The following BTAF1 variants were observed in gnomAD, a reference collection of about 807,000 sequenced individuals.
BTAF1 encodes B-TFIID TATA-box binding protein associated factor 1.
A neutral mutation model predicts 227.1 loss-of-function variants in BTAF1; 38 were observed. That is an observed-to-expected ratio of 0.17 (90% confidence interval 0.13 to 0.22). The LOEUF is 0.22. Among genes scored for constraint, BTAF1 ranks in the 10% least tolerant of loss-of-function variants. BTAF1 has a pLI of 1.00. For missense variants in BTAF1, 1,598 were observed against 2,204.0 expected, an observed-to-expected ratio of 0.73 and a Z score of 5.51; for synonymous variants, 742 against 751.9, an observed-to-expected ratio of 0.99 and a Z score of 0.21.
intron 18 of BTAF1, among the ~76,000 whole-genome samples, chr10:91,983,065 C>T (rs2133987938): frequency 6.6e-6 from 1 of 152,206 alleles, no homozygotes; most frequent in Non-Finnish European, 1.5e-5. Flanking sequence ...GAAAGTAGTC[C>T]AGAAACTATT....
At chr10:91,973,644 C>T (rs957126662) in intron 14 of BTAF1, among the ~76,000 whole-genome samples, 1 of 152,098 alleles carries the variant, frequency 6.6e-6, no homozygotes, top group Non-Finnish European at 1.5e-5. Flanking sequence ...GTGGCTCACG[C>T]CTGTAATCCC....
intron 30 of BTAF1, among the ~76,000 whole-genome samples, chr10:92,011,782 A>G (rs1319962653): frequency 3.3e-5 from 5 of 152,188 alleles, no homozygotes; most frequent in Non-Finnish European, 7.3e-5. Flanking sequence ...ATCATATAGT[A>G]GAAGTGTGAA....
intron 1 of BTAF1, among the ~76,000 whole-genome samples, chr10:91,928,349 A>G (rs531228314): frequency 2.6e-4 from 39 of 152,200 alleles, no homozygotes; most frequent in Non-Finnish European, 5.1e-4. Flanking sequence ...AATTGTAAAT[A>G]CAATCATAGC....
At chr10:91,945,338 T>A (rs1845293289) in intron 4 of BTAF1, among the ~76,000 whole-genome samples, 1 of 152,214 alleles carries the variant, frequency 6.6e-6, no homozygotes, top group Non-Finnish European at 1.5e-5. Context: ...TTAACCGTTT[T>A]TAAAACTTAA....
intron 17 of BTAF1, 96 bp from the exon 18 acceptor site, chr10:91,982,491 T>C: frequency 7.0e-7 from 1 of 1,418,976 alleles, no homozygotes; most frequent in Non-Finnish European, 9.4e-7. Context: ...AAATTTTGCT[T>C]CAAGTAATTA....
At chr10:91,990,708 G>A (rs115409245) in intron 20 of BTAF1, among the ~76,000 whole-genome samples, 2,036 of 152,142 alleles carry the variant, frequency 0.013, 45 homozygotes, top group African/African-American at 0.045. Flanking sequence ...CAAGAGAATG[G>A]CCTCAACCTG....
At chr10:92,004,252 A>G (rs1453966688) in intron 25 of BTAF1, among the ~76,000 whole-genome samples, 6 of 152,174 alleles carry the variant, frequency 3.9e-5, no homozygotes, top group Admixed American at 3.3e-4. Flanking sequence ...CTATTTGTCT[A>G]TATATGTTGA....
chr10:91,997,106 T>A, intron 24 of BTAF1: 1 of 1,287,976 alleles, frequency 7.8e-7, no homozygotes, highest in South Asian at 1.2e-5. Flanking sequence ...AAAAGATGGA[T>A]GAAGATCAAA....
At chr10:92,013,834 C>G (rs368767312) in intron 31 of BTAF1, 26 bp downstream of exon 31, 29 of 1,613,430 alleles carry the variant, frequency 1.8e-5, no homozygotes, top group Non-Finnish European at 2.4e-5. Flanking sequence ...AATTATAACC[C>G]TGTGTAAGTG....
In BTAF1 at chr10:91,994,664, G is replaced by A; in HGVS notation, c.3309+20G>A. ...CCCTTGGTAACTAACTAATGCAAGT[G>A]TAATATTTCTTCAAATAAAACAAGT... is the stretch of plus-strand genomic sequence containing the variant. On this transcript the variant is annotated intron_variant, in intron 23 of 37. Transcript: ENST00000265990. 2 of 1,568,508 alleles carry A rather than the reference G, an allele frequency of 1.3e-6. No individual in the cohort carries two copies. The highest frequency in any genetic ancestry group is 2.2e-5 in the East Asian group (1 of 44,648).
intron 37 of BTAF1, among the ~76,000 whole-genome samples, chr10:92,027,729 A>G (rs1425304962): frequency 6.7e-6 from 1 of 149,868 alleles, no homozygotes; most frequent in Non-Finnish European, 1.5e-5. Flanking sequence ...TAGATTCTCA[A>G]TAAATAGTAG....
Position 91,991,869 on chromosome 10 carries a change from G to A in BTAF1, c.2855-250G>A, listed in dbSNP as rs1188740999. 1.3e-4 allele frequency among the ~76,000 whole-genome samples: 20 copies of A among 148,814 alleles called. 1 individual carries two copies. The highest frequency in any genetic ancestry group is 1.3e-3 in the Admixed American group (20 of 14,976). Reference sequence around the variant, plus strand: ...TACACACACAAACACATTAACTGAAGTCACAATAATTTTTTCATGTGCTGT... The same window carrying A: ...TACACACACAAACACATTAACTGAAATCACAATAATTTTTTCATGTGCTGT... On this transcript the variant is annotated intron_variant, in intron 20 of 37. Coordinates refer to ENST00000265990, the MANE Select transcript of BTAF1 (RefSeq NM_003972.3).
Position 91,950,158 on chromosome 10 carries a change from C to A in BTAF1, c.401-1245C>A, listed in dbSNP as rs10583654. Among the ~76,000 whole-genome samples the A allele has an allele frequency of 2.7e-4, 12 of 45,058 alleles. 1 individual carries two copies. The highest frequency in any genetic ancestry group is 7.5e-4 in the African/African-American group (7 of 9,332). The allele number at this position is 45,058 out of a possible 152,430, so 29.6% of individuals were successfully genotyped here. A position where few individuals can be genotyped will look rare whatever the true frequency, so the allele number is the denominator to read the frequency against. On this transcript the variant is annotated intron_variant, in intron 4 of 37. Coordinates refer to ENST00000265990, the MANE Select transcript of BTAF1 (RefSeq NM_003972.3). ...AGACCTTGTCCTTTGTGGGGGGGGG[C>A]GGGAAAGAAGACTAGGTTTTTAATT...
chr10:91,994,463 G>C (rs1589910145), intron 22 of BTAF1, 72 bp from the exon 23 acceptor site: 2 of 1,136,618 alleles, frequency 1.8e-6, no homozygotes, highest in East Asian at 4.8e-5. Context: ...CTGAAAAAGT[G>C]CTAAAAGTTT....
chr10:91,950,346 CT>C (rs11423162), intron 4 of BTAF1, among the ~76,000 whole-genome samples: 313 of 141,880 alleles, frequency 2.2e-3, no homozygotes, highest in African/African-American at 4.1e-3. Context: ...AAGTAAATGC[CT>C]TTTTTTTTTT....
chr10:91,952,160 T>TTGTGTG (rs143124844), intron 5 of BTAF1, among the ~76,000 whole-genome samples: 23 of 148,610 alleles, frequency 1.5e-4, no homozygotes, highest in African/African-American at 5.6e-4. Flanking sequence ...GTGTGTGTGT[T>TTGTGTG]TGTGTGTGTG....
At chr10:91,942,043 G>A (rs773985626) in intron 3 of BTAF1, among the ~76,000 whole-genome samples, 3 of 152,214 alleles carry the variant, frequency 2.0e-5, no homozygotes, top group Non-Finnish European at 4.4e-5. Context: ...GGGAAGTTGA[G>A]GCAGGAGGGG....
chr10:91,931,512 A>T (rs561635497), intron 1 of BTAF1, among the ~76,000 whole-genome samples: 6 of 152,338 alleles, frequency 3.9e-5, no homozygotes, highest in Non-Finnish European at 7.3e-5. Flanking sequence ...AGCCAAAAGT[A>T]GTATGGGAGT....
At chr10:92,011,505 A>G in intron 30 of BTAF1, 90 bp downstream of exon 30, 1 of 520,660 alleles carries the variant, frequency 1.9e-6, no homozygotes, top group Non-Finnish European at 2.8e-6. Context: ...TTGGCGGTGA[A>G]TTAAAGAAGA....
Sources: gnomAD v4.1 joint callset for allele counts (sites outside exome capture counted in the v4.1 genomes callset) on GRCh38, gnomAD v4.1.1 for gene constraint, MANE v1.5 for transcripts, NCBI Gene and HGNC (gene_info 2026-07-23, HGNC 2026-07-21) for gene names.